PCDHGA1: variants seen among roughly 807,000 people sequenced by gnomAD.
PCDHGA1 encodes the protein protocadherin gamma-A1.
Under a neutral mutation model 58.0 loss-of-function variants are expected in PCDHGA1, and 32 were observed. The ratio of observed to expected loss-of-function variants is 0.55; its 90% confidence interval spans 0.42 to 0.74. The LOEUF (loss-of-function observed/expected upper bound fraction) is 0.74. Ranked by LOEUF, PCDHGA1 falls within the 30% of genes least tolerant of loss-of-function variation. The probability of loss-of-function intolerance (pLI) is 0.00; values close to 1 mark genes in which losing one functional copy is unlikely to be tolerated. For missense variants in PCDHGA1, 1,205 were observed against 1,182.3 expected (o/e 1.02, Z -0.28); for synonymous variants, 498 against 501.1 (o/e 0.99, Z 0.08).
chr5:141,405,435 T>C, intron 1 of PCDHGA1: 1 of 1,463,324 alleles, frequency 6.8e-7, no homozygotes, highest in Non-Finnish European at 9.3e-7. Context: ...TTGTTTTGTT[T>C]TTGAGACAGA....
chr5:141,339,184 G>A lies in PCDHGA1; in HGVS notation c.2421+6079G>A, dbSNP rs143495008. 2.5e-6 allele frequency: 4 copies of A among 1,614,106 alleles called. No individual in the cohort carries two copies. The African/African-American group carries it at 4.0e-5, about 16-fold the overall frequency. ...GAGTCCGCATCGTCTCCAGAGGTAG[G>A]TCCCAGCTCTTTGCTCTGAACCCGC... On this transcript the variant is annotated intron_variant, in intron 1 of 3. Transcript: ENST00000517417.
At chr5:141,449,349 G>A (rs191322076) in intron 1 of PCDHGA1, among the ~76,000 whole-genome samples, 2 of 151,956 alleles carry the variant, frequency 1.3e-5, no homozygotes, top group African/African-American at 4.8e-5. Flanking sequence ...GCTCACTCCT[G>A]TAATCCCAGC....
At chr5:141,463,402 T>C (rs1214124103) in intron 1 of PCDHGA1, among the ~76,000 whole-genome samples, 1 of 149,978 alleles carries the variant, frequency 6.7e-6, no homozygotes, top group African/African-American at 2.5e-5. Context: ...GCAAAAAAAA[T>C]GGAGATCCTA....
chr5:141,490,945 C>T lies in PCDHGA1; in HGVS notation c.2422-3862C>T, dbSNP rs2099706308. On this transcript the variant is annotated intron_variant, in intron 1 of 3. Transcript: ENST00000517417. This position sits in a 1 kb window ranked among gnomAD's most constrained non-coding sequence, Gnocchi z 5.4. ...TGCCCCAGCTGTGCTGCACCCACGG[C>T]CAGACTGGGAACACTCAGCCCCCCA... The T allele has an allele frequency of 6.2e-7, 1 of 1,613,434 alleles. No homozygotes were observed. Among genetic ancestry groups the T allele is most frequent in the South Asian group, 1.1e-5 (1 of 91,010 alleles).
chr5:141,431,460 A>T lies in PCDHGA1; in HGVS notation c.2422-63347A>T, dbSNP rs761879594. On this transcript the variant is annotated intron_variant, in intron 1 of 3. Transcript: ENST00000517417. This position sits in a 1 kb window ranked among gnomAD's most constrained non-coding sequence, Gnocchi z 4.8. The stretch of plus-strand genomic sequence containing the variant: ...GCGCGCATCCGCGTGATGGTTCTGG[A>T]TGCGAACGACAACGCACCAGCGTTT... The T allele has an allele frequency of 6.2e-7, 1 of 1,613,794 alleles. No individual in the cohort carries two copies. The highest frequency in any genetic ancestry group is 1.7e-5 in the Admixed American group (1 of 60,032).
At chr5:141,392,746 G>T in intron 1 of PCDHGA1, 1 of 1,443,974 alleles carries the variant, frequency 6.9e-7, no homozygotes, top group South Asian at 1.5e-5. Flanking sequence ...CATAGCTGCG[G>T]CAAGAAACTA....
chr5:141,491,243 ATGAGGACCC>A lies in PCDHGA1; in HGVS notation c.2422-3557_2422-3549del. 1 of 1,614,200 alleles carries A rather than the reference ATGAGGACCC, an allele frequency of 6.2e-7. No individual in the cohort carries two copies. Among genetic ancestry groups the A allele is most frequent in the African/African-American group, 1.3e-5 (1 of 75,056 alleles). ...GCCACAGTGCTGCTGGTTCTGGAGG[ATGAGGACCC>A]TGAGGAAATGCCCAAATCCAGTGAC... On this transcript the variant is annotated intron_variant, in intron 1 of 3. Coordinates refer to ENST00000517417, the MANE Select transcript of PCDHGA1 (RefSeq NM_018912.3). This position sits in a 1 kb window ranked among gnomAD's most constrained non-coding sequence, Gnocchi z 6.9.
intron 1 of PCDHGA1, chr5:141,377,764 T>C (rs1774337022): frequency 6.6e-6 from 1 of 152,240 alleles, no homozygotes; most frequent in Non-Finnish European, 1.5e-5. Context: ...CACCAGATCT[T>C]TGGTGTTAAA....
chr5:141,366,476 C>T (rs760870646), intron 1 of PCDHGA1: 41 of 1,614,144 alleles, frequency 2.5e-5, no homozygotes, highest in Non-Finnish European at 3.1e-5. Flanking sequence ...GGTGCTCAGA[C>T]TGAGGCGCTG....
At chr5:141,340,854 C>T in intron 1 of PCDHGA1, 1 of 1,613,598 alleles carries the variant, frequency 6.2e-7, no homozygotes, top group South Asian at 1.1e-5. Context: ...GAGGTGCGCA[C>T]GGCGCGAGCC....
chr5:141,389,836 C>T (rs1471068729), intron 1 of PCDHGA1: 2 of 1,613,874 alleles, frequency 1.2e-6, no homozygotes, highest in Non-Finnish European at 1.7e-6. Context: ...GGACAGCCAC[C>T]ACTCTCGGCC....
At chr5:141,339,276 G>T (rs759733821) in intron 1 of PCDHGA1, 1 of 1,614,246 alleles carries the variant, frequency 6.2e-7, no homozygotes, top group East Asian at 2.2e-5. Context: ...AGCGCACCCT[G>T]TCTGTTGAAT....
At chr5:141,496,236 C>T (rs1290509264) in intron 2 of PCDHGA1, among the ~76,000 whole-genome samples, 7 of 152,138 alleles carry the variant, frequency 4.6e-5, no homozygotes, top group Middle Eastern at 3.2e-3. Flanking sequence ...GAACCCCCTG[C>T]GGGCTGAAGG....
rs545943961 is a variant in PCDHGA1, at chr5:141,373,227, T to C, written c.2421+40122T>C. On this transcript the variant is annotated intron_variant, in intron 1 of 3. Coordinates refer to ENST00000517417, the MANE Select transcript of PCDHGA1 (RefSeq NM_018912.3). ...ACACATTTTTAATGTAACCTGTATATAATATTTTTACTTCCCTTTGCATGT... is the reference window on the plus strand; with the variant it reads ...ACACATTTTTAATGTAACCTGTATACAATATTTTTACTTCCCTTTGCATGT... 9.8e-5 allele frequency among the ~76,000 whole-genome samples: 15 copies of C among 152,350 alleles called. No homozygotes were observed. In the East Asian group the frequency reaches 2.7e-3, roughly 27 times the overall value.
chr5:141,403,540 G>A (rs752983401), intron 1 of PCDHGA1: 2 of 1,613,886 alleles, frequency 1.2e-6, no homozygotes, highest in African/African-American at 2.7e-5. Context: ...AGCTGGTGCT[G>A]GAGCGCGCCC....
In PCDHGA1 at chr5:141,395,543, TG is replaced by T. The variant is rs1247307480; in HGVS notation, c.2421+62439del. 6.3e-3 allele frequency: 52 copies of T among 8,206 alleles called. 1 individual carries two copies. The highest frequency in any genetic ancestry group is 0.048 in the African/African-American group (46 of 952). 0.5% of individuals were successfully genotyped at this position (8,206 alleles called of 1,614,324 possible). On this transcript the variant is annotated intron_variant, in intron 1 of 3. Coordinates refer to ENST00000517417, the MANE Select transcript of PCDHGA1 (RefSeq NM_018912.3). ...CCATACTGGTAATTTTGCTATTGTT[TG>T]TGTGTGTGTGTGTGTGTGTGTGTGT...
intron 1 of PCDHGA1, chr5:141,356,111 T>C: frequency 1.2e-6 from 2 of 1,613,818 alleles, no homozygotes; most frequent in Non-Finnish European, 1.7e-6. Flanking sequence ...ATAACAATAT[T>C]GGGGGGTCTA....
intron 1 of PCDHGA1, among the ~76,000 whole-genome samples, chr5:141,488,782 C>T (rs990081222): frequency 2.0e-5 from 3 of 152,178 alleles, no homozygotes; most frequent in Non-Finnish European, 1.5e-5. Flanking sequence ...TTTTGTATCA[C>T]TTTGTCTTCC....
Position 141,489,153 on chromosome 5 carries a change from G to T in PCDHGA1, c.2422-5654G>T. 1 of 935,828 alleles carries T rather than the reference G, an allele frequency of 1.1e-6. No individual in the cohort carries two copies. Among genetic ancestry groups the T allele is most frequent in the South Asian group, 1.8e-5 (1 of 55,006 alleles). 58.0% of individuals were successfully genotyped at this position (935,828 alleles called of 1,614,324 possible). A position where few individuals can be genotyped will look rare whatever the true frequency, so the allele number is the denominator to read the frequency against. Reference sequence around the variant, plus strand: ...TTTAAGAGGCTGGAAGGAGACATAAGAGACTTCAGCTGCTGCATTCCAAGC... The same window carrying T: ...TTTAAGAGGCTGGAAGGAGACATAATAGACTTCAGCTGCTGCATTCCAAGC... On this transcript the variant is annotated intron_variant, in intron 1 of 3. Transcript: ENST00000517417. The surrounding 1 kb of genome is among the most constrained non-coding windows in gnomAD (Gnocchi z 4.5).
Sources: allele counts gnomAD v4.1 joint callset (sites outside exome capture counted in the v4.1 genomes callset), GRCh38; gene constraint gnomAD v4.1.1; non-coding constraint Gnocchi (gnomAD v3.1); transcripts MANE v1.5; gene names NCBI Gene and HGNC (gene_info 2026-07-23, HGNC 2026-07-21).